SDC2: variants seen among roughly 807,000 people sequenced by gnomAD.
The protein encoded by SDC2 is syndecan-2.
A neutral mutation model predicts 22.2 loss-of-function variants in SDC2; 13 were observed. The ratio of observed to expected loss-of-function variants is 0.59; its 90% CI spans 0.38 to 0.93. The LOEUF (loss-of-function observed/expected upper bound fraction) is 0.93, where lower values mean the gene tolerates loss of function less well. Ranked by LOEUF, SDC2 falls within the 40% of genes least tolerant of loss-of-function variation. The probability of loss-of-function intolerance (pLI) is 0.00; values close to 1 mark genes in which losing one functional copy is unlikely to be tolerated. For missense variants in SDC2, 235 were observed against 246.8 expected (o/e 0.95, Z 0.32); for synonymous variants, 94 against 92.8 (o/e 1.01, Z -0.07).
At chr8:96,520,666 GA>G (rs1463147926) in intron 1 of SDC2, among the ~76,000 whole-genome samples, 2 of 152,170 alleles carry the variant, frequency 1.3e-5, no homozygotes, top group African/African-American at 4.8e-5. Context: ...GCAATGTGCC[GA>G]AAACATAAGG....
chr8:96,593,988 A>C (rs1814829751), intron 2 of SDC2, among the ~76,000 whole-genome samples: 1 of 152,218 alleles, frequency 6.6e-6, no homozygotes. Flanking sequence ...AATCCCTCAA[A>C]CACTGGTTTC....
chr8:96,591,467 A>G (rs1384324457), intron 1 of SDC2, among the ~76,000 whole-genome samples: 3 of 152,170 alleles, frequency 2.0e-5, no homozygotes, highest in Non-Finnish European at 2.9e-5. Flanking sequence ...TCTCAGTCAA[A>G]TATTTATTTT....
At chr8:96,578,903 A>G (rs886436036) in intron 1 of SDC2, among the ~76,000 whole-genome samples, 5 of 152,232 alleles carry the variant, frequency 3.3e-5, no homozygotes, top group African/African-American at 1.2e-4. Context: ...ATAAATTTGG[A>G]AATTGTACAC....
intron 1 of SDC2, among the ~76,000 whole-genome samples, chr8:96,506,682 G>A (rs1813243849): frequency 6.6e-6 from 1 of 151,966 alleles, no homozygotes; most frequent in Admixed American, 6.6e-5. Context: ...TGTGGCCCAG[G>A]CTGTGGACCT....
intron 3 of SDC2, among the ~76,000 whole-genome samples, chr8:96,603,468 G>A (rs1204504847): frequency 1.3e-5 from 2 of 152,182 alleles, no homozygotes; most frequent in Admixed American, 6.5e-5. Flanking sequence ...AAACTCAGAA[G>A]CACAAGCATC....
chr8:96,567,293 T>C (rs759764656), intron 1 of SDC2, among the ~76,000 whole-genome samples: 2 of 152,242 alleles, frequency 1.3e-5, no homozygotes, highest in African/African-American at 2.4e-5. Flanking sequence ...TACCTCTTAA[T>C]TGCAATTTGA....
intron 1 of SDC2, among the ~76,000 whole-genome samples, chr8:96,533,836 G>A (rs1164164337): frequency 6.6e-6 from 1 of 152,202 alleles, no homozygotes; most frequent in Non-Finnish European, 1.5e-5. Flanking sequence ...AGTCCTGCTC[G>A]GTGTGCCCGC....
intron 2 of SDC2, among the ~76,000 whole-genome samples, chr8:96,595,642 T>C (rs1814862184): frequency 6.6e-6 from 1 of 152,086 alleles, no homozygotes; most frequent in South Asian, 2.1e-4. Context: ...GGTGTACAGG[T>C]TGGCGAAGTC....
chr8:96,564,969 C>G (rs1814271872), intron 1 of SDC2, among the ~76,000 whole-genome samples: 1 of 151,812 alleles, frequency 6.6e-6, no homozygotes, highest in South Asian at 2.1e-4. Context: ...TGGGATATCC[C>G]TTTCTGCCTA....
At chr8:96,572,414 G>A (rs1814411539) in intron 1 of SDC2, among the ~76,000 whole-genome samples, 1 of 152,064 alleles carries the variant, frequency 6.6e-6, no homozygotes, top group African/African-American at 2.4e-5. Context: ...GGAGTTCTGT[G>A]CCACATTTGA....
chr8:96,544,758 T>C (rs1813905344), intron 1 of SDC2, among the ~76,000 whole-genome samples: 2 of 152,218 alleles, frequency 1.3e-5, no homozygotes, highest in Admixed American at 6.5e-5. Context: ...GGTTTAGACA[T>C]GGTTACACCC....
intron 2 of SDC2, among the ~76,000 whole-genome samples, chr8:96,600,274 T>C (rs1032752201): frequency 1.3e-5 from 2 of 152,240 alleles, no homozygotes; most frequent in South Asian, 2.1e-4. Flanking sequence ...TTGAGGAATT[T>C]AGAGGTATTT....
intron 1 of SDC2, among the ~76,000 whole-genome samples, chr8:96,507,044 A>G (rs1405619081): frequency 2.0e-5 from 3 of 151,758 alleles, no homozygotes; most frequent in African/African-American, 7.3e-5. Context: ...TAGCTAAGTA[A>G]TCAAAGAGGT....
At chr8:96,520,017 T>C (rs1156877740) in intron 1 of SDC2, among the ~76,000 whole-genome samples, 2 of 152,206 alleles carry the variant, frequency 1.3e-5, no homozygotes, top group Non-Finnish European at 2.9e-5. Flanking sequence ...ATTTAGTAAA[T>C]AGTTGTTACC....
intron 1 of SDC2, among the ~76,000 whole-genome samples, chr8:96,581,378 C>G (rs2130605583): frequency 6.6e-6 from 1 of 152,272 alleles, no homozygotes; most frequent in African/African-American, 2.4e-5. Context: ...CCTGTAATCC[C>G]AGCACTTTGA....
chr8:96,554,187 T>G (rs1455743522), intron 1 of SDC2, among the ~76,000 whole-genome samples: 1 of 152,220 alleles, frequency 6.6e-6, no homozygotes, highest in African/African-American at 2.4e-5. Flanking sequence ...GTTCTGGATT[T>G]ATGCCAGATA....
At chr8:96,603,251 C>G (rs1815023374) in intron 3 of SDC2, among the ~76,000 whole-genome samples, 1 of 152,184 alleles carries the variant, frequency 6.6e-6, no homozygotes. Flanking sequence ...AGTCAGGTTT[C>G]TTAGCTTCTG....
chr8:96,599,022 A>C (rs561593821), intron 2 of SDC2, among the ~76,000 whole-genome samples: 2 of 148,516 alleles, frequency 1.3e-5, no homozygotes, highest in South Asian at 2.2e-4. Flanking sequence ...GCTCACTGCA[A>C]CCTCCTCCTC....
intron 4 of SDC2, 111 bp from the exon 5 acceptor site, chr8:96,609,274 T>G: frequency 1.2e-6 from 1 of 841,718 alleles, no homozygotes; most frequent in Non-Finnish European, 1.7e-6. Context: ...TTTATTGGGG[T>G]TTTCAAATTA....
Sources: gnomAD v4.1 joint callset for allele counts (sites outside exome capture counted in the v4.1 genomes callset) on GRCh38, gnomAD v4.1.1 for gene constraint, MANE v1.5 for transcripts, NCBI Gene and HGNC (gene_info 2026-07-23, HGNC 2026-07-21) for gene names.